Variants in USH2A observed in about 807,000 individuals in gnomAD.
USH2A encodes Usher syndrome 2A (autosomal recessive, mild).
In USH2A, 443 loss-of-function variants were observed where a neutral mutation model predicts 538.9. That is an observed-to-expected ratio of 0.82 (90% CI 0.76 to 0.89). USH2A has a LOEUF of 0.89. Ranked by LOEUF, USH2A falls within the 40% of genes least tolerant of loss-of-function variation. The pLI is 0.00. For missense variants in USH2A, 6,633 were observed against 6,324.8 expected (o/e 1.05, Z -1.65); for synonymous variants, 2,413 against 2,273.5 (o/e 1.06, Z -1.75).
intron 32 of USH2A, among the ~76,000 whole-genome samples, chr1:216,024,587 A>G (rs1668919407): frequency 1.3e-5 from 2 of 152,090 alleles, no homozygotes. Flanking sequence ...CTAAATCTAA[A>G]ACATATAGTT....
intron 3 of USH2A, among the ~76,000 whole-genome samples, chr1:216,407,247 A>G (rs2039410897): frequency 6.6e-6 from 1 of 152,178 alleles, no homozygotes; most frequent in African/African-American, 2.4e-5. Context: ...TATGTCATGT[A>G]ATCATTAGAG....
At chr1:216,395,261 C>T (rs907701843) in intron 3 of USH2A, among the ~76,000 whole-genome samples, 2 of 152,196 alleles carry the variant, frequency 1.3e-5, no homozygotes, top group African/African-American at 4.8e-5. Context: ...ATTTCTCCAA[C>T]TTGTATCCTA....
At chr1:215,704,993 G>C (rs377054147) in intron 61 of USH2A, among the ~76,000 whole-genome samples, 1 of 152,176 alleles carries the variant, frequency 6.6e-6, no homozygotes, top group East Asian at 1.9e-4. Flanking sequence ...ATAGATGTCT[G>C]CGGAATGAAT....
chr1:215,883,641 A>T (rs1664975742), intron 41 of USH2A, among the ~76,000 whole-genome samples: 1 of 152,108 alleles, frequency 6.6e-6, no homozygotes, highest in African/African-American at 2.4e-5. Flanking sequence ...TCATTTTTTA[A>T]AGCAAACCAT....
At chr1:216,189,912 A>G (rs1308035185) in intron 20 of USH2A, among the ~76,000 whole-genome samples, 1 of 151,874 alleles carries the variant, frequency 6.6e-6, no homozygotes, top group Non-Finnish European at 1.5e-5. Context: ...TTACATTTCT[A>G]TGTATTTCTA....
In USH2A at chr1:216,119,813, T is replaced by G. The variant is rs1171268830; in HGVS notation, c.4628-22600A>C. Among the ~76,000 whole-genome samples the G allele has an allele frequency of 2.0e-5, 3 of 152,172 alleles. No individual in the cohort carries two copies. In the East Asian group the frequency reaches 5.8e-4, roughly 30 times the overall value. The stretch of plus-strand genomic sequence containing the variant: ...AGTGCCATCTGTTGGTAGCAGGCAA[T>G]GTTGATATGCTTTCTTTCTATGGTG... On this transcript the variant is annotated intron_variant, in intron 21 of 71. Coordinates refer to ENST00000307340, the MANE Select transcript of USH2A (RefSeq NM_206933.4).
chr1:215,758,301 A>T (rs978218070), intron 58 of USH2A, among the ~76,000 whole-genome samples: 4 of 151,596 alleles, frequency 2.6e-5, no homozygotes, highest in African/African-American at 9.7e-5. Context: ...AAAAAAAAAA[A>T]ATAGATGAGT....
At chr1:215,838,622 T>C (rs1663594727) in intron 46 of USH2A, among the ~76,000 whole-genome samples, 1 of 152,172 alleles carries the variant, frequency 6.6e-6, no homozygotes, top group African/African-American at 2.4e-5. Flanking sequence ...CCAGATGCAA[T>C]TGTATTTTTA....
rs369063925 is a variant in USH2A, at chr1:215,685,298, T to C, written c.12067-4922A>G. ...GTTCCCCAAAAGTTGATCAACATAT[T>C]TATGTCTAATACTATTTTGCAAAAT... On this transcript the variant is annotated intron_variant, in intron 61 of 71. Transcript: ENST00000307340. Among the ~76,000 whole-genome samples, 11 of 151,900 alleles carry C rather than the reference T, an allele frequency of 7.2e-5. No individual in the cohort carries two copies. In the South Asian group the frequency reaches 2.3e-3, roughly 32 times the overall value.
intron 4 of USH2A, among the ~76,000 whole-genome samples, chr1:216,338,530 T>C (rs1022035141): frequency 4.0e-5 from 6 of 151,554 alleles, no homozygotes; most frequent in African/African-American, 1.4e-4. Flanking sequence ...TAAAACTATC[T>C]GAACCATAAA....
At chr1:216,263,723 A>G (rs2036418866) in intron 11 of USH2A, among the ~76,000 whole-genome samples, 1 of 152,128 alleles carries the variant, frequency 6.6e-6, no homozygotes, top group Non-Finnish European at 1.5e-5. Context: ...GGTGATGCCC[A>G]CTTTCACTAC....
At chr1:215,710,923 T>A (rs1325191107) in intron 61 of USH2A, among the ~76,000 whole-genome samples, 1 of 152,032 alleles carries the variant, frequency 6.6e-6, no homozygotes, top group African/African-American at 2.4e-5. Context: ...ATTTGCTGGC[T>A]CCATTTCTTC....
At chr1:216,279,830 G>C (rs757738080) in intron 11 of USH2A, among the ~76,000 whole-genome samples, 45 of 152,054 alleles carry the variant, frequency 3.0e-4, no homozygotes, top group Non-Finnish European at 4.9e-4. Flanking sequence ...ACATGAGTCA[G>C]GCCATATGCT....
intron 22 of USH2A, 113 bp downstream of exon 22, chr1:216,096,970 A>G: frequency 1.8e-6 from 2 of 1,131,026 alleles, no homozygotes; most frequent in Non-Finnish European, 2.6e-6. Context: ...TAATAATAGT[A>G]CTTACCTTAC....
At chr1:216,161,994 C>T (rs1558291787) in intron 21 of USH2A, among the ~76,000 whole-genome samples, 1 of 151,932 alleles carries the variant, frequency 6.6e-6, no homozygotes, top group Non-Finnish European at 1.5e-5. Context: ...TTATTTTAAG[C>T]AATTTGACTG....
In USH2A at chr1:216,292,188, C is replaced by G. The variant is rs983255711; in HGVS notation, c.1827G>C (p.Glu609Asp). Residue 609 changes from glutamate to aspartate, a missense_variant, in exon 10 of 72, where the codon GAG (glutamate) becomes GAC (aspartate). Glu to Asp is a conservative substitution (Grantham distance 45). Coordinates refer to ENST00000307340, the MANE Select transcript of USH2A (RefSeq NM_206933.4). ...RGGGGVCDDC[E>D]HNTTGRNCEL... The stretch of plus-strand genomic sequence containing the variant: ...TTTGCTACTTACCTGTAGTGTTATG[C>G]TCACAATCATCACAAACTCCTCCTC... The G allele has an allele frequency of 6.2e-7, 1 of 1,614,052 alleles. No individual in the cohort carries two copies. The highest frequency in any genetic ancestry group is 1.7e-5 in the Admixed American group (1 of 60,022).
chr1:215,728,868 T>C (rs1025315351), intron 60 of USH2A, among the ~76,000 whole-genome samples: 1 of 152,198 alleles, frequency 6.6e-6, no homozygotes, highest in Admixed American at 6.5e-5. Context: ...TGTCTGTGTG[T>C]GTGTGCATGT....
intron 11 of USH2A, among the ~76,000 whole-genome samples, chr1:216,281,372 G>A (rs1240265737): frequency 6.6e-6 from 1 of 151,878 alleles, no homozygotes; most frequent in Non-Finnish European, 1.5e-5. Flanking sequence ...TTATATAAAA[G>A]GAAAAATGTT....
chr1:216,056,155 CAG>C (rs2030968223), intron 30 of USH2A, among the ~76,000 whole-genome samples: 1 of 152,162 alleles, frequency 6.6e-6, no homozygotes, highest in Non-Finnish European at 1.5e-5. Flanking sequence ...GTAAGAACTA[CAG>C]AGTCTTTGCC....
Sources: gnomAD v4.1 joint callset for allele counts (sites outside exome capture counted in the v4.1 genomes callset) on GRCh38, gnomAD v4.1.1 for gene constraint, MANE v1.5 for transcripts, NCBI Gene and HGNC (gene_info 2026-07-23, HGNC 2026-07-21) for gene names.